PIK3C2A: variants seen among roughly 807,000 people sequenced by gnomAD.
PIK3C2A encodes the protein phosphatidylinositol 4-phosphate 3-kinase C2 domain-containing subunit alpha.
Under a neutral mutation model 204.5 loss-of-function variants are expected in PIK3C2A, and 97 were observed. The observed-to-expected ratio is 0.47, with a 90% CI of 0.40 to 0.56. PIK3C2A has a LOEUF of 0.56. Among genes scored for constraint, PIK3C2A ranks in the 20% least tolerant of loss-of-function variants. The pLI is 0.00. For synonymous variants in PIK3C2A, 653 were observed against 664.4 expected, an observed-to-expected ratio of 0.98 and a Z score of 0.26; for missense variants, 1,735 against 1,969.2, an observed-to-expected ratio of 0.88 and a Z score of 2.25.
intron 1 of PIK3C2A, among the ~76,000 whole-genome samples, chr11:17,189,451 C>T (rs1851866431): frequency 6.8e-6 from 1 of 146,038 alleles, no homozygotes; most frequent in Non-Finnish European, 1.5e-5. Context: ...CCCATCTCTA[C>T]TAAAAATACA....
At chr11:17,125,269 G>A (rs1849486093) in intron 13 of PIK3C2A, among the ~76,000 whole-genome samples, 1 of 152,150 alleles carries the variant, frequency 6.6e-6, no homozygotes, top group South Asian at 2.1e-4. Context: ...CAGACATTTG[G>A]TAATTTGGAA....
intron 1 of PIK3C2A, among the ~76,000 whole-genome samples, chr11:17,186,999 A>G (rs1851773629): frequency 6.6e-6 from 1 of 152,190 alleles, no homozygotes; most frequent in Non-Finnish European, 1.5e-5. Flanking sequence ...AGATTGCTTG[A>G]GCCAGGTCAA....
At chr11:17,158,568 G>A (rs890872955) in intron 2 of PIK3C2A, among the ~76,000 whole-genome samples, 1 of 151,862 alleles carries the variant, frequency 6.6e-6, no homozygotes, top group African/African-American at 2.4e-5. Flanking sequence ...TGGCTTCAAT[G>A]TCACATGCTT....
At chr11:17,181,689 C>CAA (rs1851571410) in intron 1 of PIK3C2A, among the ~76,000 whole-genome samples, 1 of 122,200 alleles carries the variant, frequency 8.2e-6, no homozygotes, top group Non-Finnish European at 1.8e-5. Flanking sequence ...CACACACACA[C>CAA]ACACAAACAC....
At chr11:17,090,039 A>G (rs574060705) in intron 32 of PIK3C2A, 119 bp from the exon 33 acceptor site, 1 of 696,354 alleles carries the variant, frequency 1.4e-6, no homozygotes, top group South Asian at 1.9e-5. Context: ...AGTGACACTG[A>G]TTATGACACA....
Position 17,168,868 on chromosome 11 carries a change from C to T in PIK3C2A, c.874G>A (p.Glu292Lys), listed in dbSNP as rs1264768977. 1 of 1,614,012 alleles carries T rather than the reference C, an allele frequency of 6.2e-7. No individual in the cohort carries two copies. The highest frequency in any genetic ancestry group is 1.3e-5 in the African/African-American group (1 of 74,926). The change falls in exon 2 of 33, where the codon GAG (glutamate) becomes AAG (lysine). Residue 292 changes from glutamate (E) to lysine (K), a missense_variant. By Grantham distance (56) the Glu-to-Lys change is moderately conservative (BLOSUM62 1). Around this residue, in one of 6 missense-constraint regions of PIK3C2A, gnomAD observed 536 missense variants for 546.7 expected, o/e 0.98. Coordinates refer to ENST00000691414, the MANE Select transcript of PIK3C2A (RefSeq NM_002645.4). ...DNVEVLDHEEEKNVSSLLAKD... is the reference protein window; with the variant it reads ...DNVEVLDHEEKKNVSSLLAKD... ...GCTAGCAAACTTGAAACATTTTTCT[C>T]TTCCTCATGGTCTAATACCTCCACA... is the stretch of plus-strand genomic sequence containing the variant.
chr11:17,168,661 TAAGAA>T lies in PIK3C2A; in HGVS notation c.1065+11_1065+15del, dbSNP rs1851053388. 2.1e-6 allele frequency: 3 copies of T among 1,442,340 alleles called. No individual in the cohort carries two copies. Among genetic ancestry groups the T allele is most frequent in the Non-Finnish European group, 2.8e-6 (3 of 1,061,516 alleles). 89.3% of individuals were successfully genotyped at this position (1,442,340 alleles called of 1,614,324 possible). On this transcript the variant is annotated intron_variant, in intron 2 of 32. Coordinates refer to ENST00000691414, the MANE Select transcript of PIK3C2A (RefSeq NM_002645.4). ...TGTTATACTAAGTTTGAGAAGTTAG[TAAGAA>T]AAGACTATACCTGAGATATATGGCC...
intron 1 of PIK3C2A, chr11:17,194,151 T>C: frequency 1.3e-6 from 1 of 743,806 alleles, no homozygotes. Flanking sequence ...CACCCCAAGC[T>C]TGGGAAGCGT....
chr11:17,156,137 T>G (rs1296655938), intron 2 of PIK3C2A, among the ~76,000 whole-genome samples: 1 of 152,174 alleles, frequency 6.6e-6, no homozygotes, highest in East Asian at 1.9e-4. Flanking sequence ...AAAGCTAAGT[T>G]TACGTCTGGT....
chr11:17,168,353 G>A (rs960329906), intron 2 of PIK3C2A, among the ~76,000 whole-genome samples: 2 of 152,096 alleles, frequency 1.3e-5, no homozygotes, highest in African/African-American at 4.8e-5. Flanking sequence ...AGGCTGAGAC[G>A]GGTGGATCAC....
intron 19 of PIK3C2A, among the ~76,000 whole-genome samples, chr11:17,116,044 G>GTTTAAGTTT (rs1849178637): frequency 6.6e-6 from 1 of 151,850 alleles, no homozygotes; most frequent in South Asian, 2.1e-4. Flanking sequence ...TAGATAAACT[G>GTTTAAGTTT]GACTTCATCA....
chr11:17,142,618 C>T (rs1850100873), intron 8 of PIK3C2A, among the ~76,000 whole-genome samples: 1 of 152,050 alleles, frequency 6.6e-6, no homozygotes, highest in African/African-American at 2.4e-5. Flanking sequence ...AGTTCAAGAC[C>T]AGCCCAGACA....
intron 23 of PIK3C2A, among the ~76,000 whole-genome samples, chr11:17,104,309 A>T (rs1848734356): frequency 6.6e-6 from 1 of 152,192 alleles, no homozygotes; most frequent in African/African-American, 2.4e-5. Context: ...TGCTTCATAT[A>T]TATTAAATCA....
Position 17,089,807 on chromosome 11 carries a change from AGGCAG to A in PIK3C2A, c.4987_4991del (p.Leu1663PhefsTer12). On this transcript the variant is annotated frameshift_variant, in exon 33 of 33. Transcript: ENST00000691414. LOFTEE classifies it high-confidence loss of function. ...CTTTGCTCAAGTTGAAATCTTTCAA[AGGCAG>A]GGTTACTCCACCCAAGAAAAAATTC... is the stretch of plus-strand genomic sequence containing the variant. The A allele has an allele frequency of 6.2e-7, 1 of 1,614,068 alleles. No homozygotes were observed. Among genetic ancestry groups the A allele is most frequent in the Non-Finnish European group, 8.5e-7 (1 of 1,179,900 alleles).
chr11:17,191,822 T>A (rs1329949785), intron 1 of PIK3C2A, among the ~76,000 whole-genome samples: 1 of 152,110 alleles, frequency 6.6e-6, no homozygotes, highest in Non-Finnish European at 1.5e-5. Context: ...GTTCATTTAA[T>A]GATGAAAGCT....
intron 28 of PIK3C2A, among the ~76,000 whole-genome samples, chr11:17,093,955 A>T (rs1203654717): frequency 6.6e-6 from 1 of 152,130 alleles, no homozygotes; most frequent in Non-Finnish European, 1.5e-5. Flanking sequence ...GACTTTTTTC[A>T]AAACCAAGAT....
chr11:17,089,901 C>T lies in PIK3C2A; in HGVS notation c.4898G>A (p.Ser1633Asn). 4 of 1,608,582 alleles carry T rather than the reference C, an allele frequency of 2.5e-6. No homozygotes were observed. Among genetic ancestry groups the T allele is most frequent in the Non-Finnish European group, 3.4e-6 (4 of 1,176,616 alleles). ...FNEMLVYSGY[S>N]KETLRQRELQ... ...TTCTCGCTGTCTTAGGGTTTCTTTG[C>T]TATATCCACTGTATACAAGCTACAA... Residue 1633 changes from serine to asparagine, a missense_variant, in exon 33 of 33, where the codon AGC becomes AAC. Ser to Asn is a conservative substitution (Grantham distance 46). Coordinates refer to ENST00000691414, the MANE Select transcript of PIK3C2A (RefSeq NM_002645.4).
intron 13 of PIK3C2A, among the ~76,000 whole-genome samples, chr11:17,127,128 T>C (rs1397419797): frequency 2.6e-5 from 4 of 152,166 alleles, no homozygotes; most frequent in Non-Finnish European, 5.9e-5. Flanking sequence ...AAAAGGTTCC[T>C]AATACACACC....
At chr11:17,121,399 G>A (rs1319671999) in intron 15 of PIK3C2A, among the ~76,000 whole-genome samples, 1 of 152,158 alleles carries the variant, frequency 6.6e-6, no homozygotes, top group Non-Finnish European at 1.5e-5. Context: ...GTACAGGCAT[G>A]AGCCACCACG....
Sources: allele counts gnomAD v4.1 joint callset (sites outside exome capture counted in the v4.1 genomes callset), GRCh38; gene constraint gnomAD v4.1.1; regional missense constraint gnomAD v4.1.1; transcripts MANE v1.5; gene names NCBI Gene and HGNC (gene_info 2026-07-23, HGNC 2026-07-21).